GLYAT: variants seen among roughly 807,000 people sequenced by gnomAD.
GLYAT encodes glycine-N-acyltransferase.
GLYAT carries 25 observed loss-of-function variants against 22.8 expected under a neutral mutation model. The ratio of observed to expected loss-of-function variants is 1.09; its 90% CI spans 0.80 to 1.53. The LOEUF (loss-of-function observed/expected upper bound fraction) is 1.53. GLYAT is among the 40% of genes most tolerant of loss of function. The pLI, the probability that GLYAT is intolerant of heterozygous loss-of-function variation, is 0.00. For missense variants in GLYAT, 411 were observed against 353.9 expected, an observed-to-expected ratio of 1.16 and a Z score of -1.29; for synonymous variants, 140 against 122.7, an observed-to-expected ratio of 1.14 and a Z score of -0.93.
chr11:58,711,650 T>A (rs1407828403), intron 4 of GLYAT, among the ~76,000 whole-genome samples: 1 of 152,124 alleles, frequency 6.6e-6, no homozygotes, highest in Non-Finnish European at 1.5e-5. Context: ...GTAGGTAAAT[T>A]TAAAAAACGG....
rs1208567331 is a variant in GLYAT at position 58,709,443 on chromosome 11, T to A, written c.*323A>T. 9.7e-6 allele frequency: 2 copies of A among 206,380 alleles called. No individual in the cohort carries two copies. Among genetic ancestry groups the A allele is most frequent in the Non-Finnish European group, 9.7e-6 (1 of 102,788 alleles). The allele number at this position is 206,380 out of a possible 1,614,324, so 12.8% of individuals were successfully genotyped here. A position where few individuals can be genotyped will look rare whatever the true frequency, so the allele number is the denominator to read the frequency against. ...TAGCTCCCAGAAAAACTGGCAAGGG[T>A]CTTGCAACTGAGGAACCAGGGATTC... On this transcript the variant is annotated 3_prime_UTR_variant, in exon 6 of 6. Transcript: ENST00000344743.
chr11:58,715,445 A>T, intron 2 of GLYAT, 22 bp from the exon 3 acceptor site: 1 of 1,094,196 alleles, frequency 9.1e-7, no homozygotes, highest in Non-Finnish European at 1.4e-6. Flanking sequence ...CAAGAAATTG[A>T]CAGGGTTGGT....
intron 1 of GLYAT, among the ~76,000 whole-genome samples, chr11:58,725,414 T>C (rs957637001): frequency 6.6e-5 from 10 of 152,178 alleles, no homozygotes; most frequent in African/African-American, 2.4e-4. Flanking sequence ...ACTGTGATGT[T>C]TGGAAGAGAG....
At chr11:58,723,777 TTA>T (rs1010259357) in intron 2 of GLYAT, among the ~76,000 whole-genome samples, 8 of 151,938 alleles carry the variant, frequency 5.3e-5, no homozygotes, top group South Asian at 2.1e-4. Flanking sequence ...ATGTAGGCAT[TTA>T]TATATATCCA....
chr11:58,728,947 A>G (rs747617838), intron 1 of GLYAT, among the ~76,000 whole-genome samples: 1 of 150,206 alleles, frequency 6.7e-6, no homozygotes, highest in African/African-American at 2.4e-5. Flanking sequence ...GGAAGGAAGG[A>G]GAGAATAAAA....
At chr11:58,721,792 A>G (rs1052175662) in intron 2 of GLYAT, among the ~76,000 whole-genome samples, 1 of 151,988 alleles carries the variant, frequency 6.6e-6, no homozygotes, top group Non-Finnish European at 1.5e-5. Flanking sequence ...TAGTAGTTAA[A>G]ATTCAAAATC....
chr11:58,728,960 A>AAAGAAAGGAAGGAAGG (rs1201528102), intron 1 of GLYAT, among the ~76,000 whole-genome samples: 6 of 151,560 alleles, frequency 4.0e-5, no homozygotes, highest in South Asian at 2.1e-4. Flanking sequence ...GAATAAAAGA[A>AAAGAAAGGAAGGAAGG]AAGAAAGGAA....
At chr11:58,715,453 GGTTT>G (rs1565056002) in intron 2 of GLYAT, 30 bp from the exon 3 acceptor site, 1 of 991,748 alleles carries the variant, frequency 1.0e-6, no homozygotes, top group Admixed American at 1.9e-5. Flanking sequence ...TGACAGGGTT[GGTTT>G]ATTTGAAAAA....
intron 2 of GLYAT, among the ~76,000 whole-genome samples, chr11:58,722,122 C>T (rs913668673): frequency 1.3e-5 from 2 of 152,022 alleles, no homozygotes; most frequent in Non-Finnish European, 2.9e-5. Context: ...ATCAGGGATT[C>T]TCTGGAGGGG....
Position 58,724,454 on chromosome 11 carries a change from C to T in GLYAT, c.43G>A (p.Glu15Lys), listed in dbSNP as rs1165157630. The change falls in exon 2 of 6, where the codon GAG becomes AAG. Residue 15 changes from glutamate to lysine, a missense_variant. By Grantham distance (56) the Glu-to-Lys change is moderately conservative. Coordinates refer to ENST00000344743, the MANE Select transcript of GLYAT (RefSeq NM_201648.3). Reference protein sequence around the residue: ...LQGAQMLQMLEKSLRKSLPAS... With the variant: ...LQGAQMLQMLKKSLRKSLPAS... ...GGGAGGCTCTTCCTCAAGGATTTCT[C>T]CAGCATCTGCAGCATCTGGGCACCT... 9 of 1,609,038 alleles carry T rather than the reference C, an allele frequency of 5.6e-6. No individual in the cohort carries two copies. The highest frequency in any genetic ancestry group is 1.7e-5 in the Admixed American group (1 of 59,702).
At position 58,709,138 on chromosome 11, in the gene GLYAT, A is replaced by T. The variant is rs1856576962; in HGVS notation, c.*628T>A. On this transcript the variant is annotated 3_prime_UTR_variant, in exon 6 of 6. Transcript: ENST00000344743. ...TTTTGGAAGCTCATCTTTAGAAAAA[A>T]CATTGGATCTTTTTTCCTGGAATAG... 1 of 152,250 alleles carries T rather than the reference A, an allele frequency of 6.6e-6. No individual in the cohort carries two copies. Among genetic ancestry groups the T allele is most frequent in the South Asian group, 2.1e-4 (1 of 4,836 alleles). 9.4% of individuals were successfully genotyped at this position (152,250 alleles called of 1,614,324 possible).
intron 3 of GLYAT, 35 bp from the exon 4 acceptor site, chr11:58,712,921 C>T: frequency 7.1e-7 from 1 of 1,415,620 alleles, no homozygotes; most frequent in Non-Finnish European, 9.8e-7. Flanking sequence ...TAAAACACAT[C>T]CTTATATTTT....
chr11:58,725,022 A>T (rs890310469), intron 1 of GLYAT, among the ~76,000 whole-genome samples: 2 of 151,382 alleles, frequency 1.3e-5, no homozygotes, highest in Non-Finnish European at 2.9e-5. Context: ...TACTACCACC[A>T]CTCCTCTTTT....
intron 1 of GLYAT, among the ~76,000 whole-genome samples, chr11:58,729,238 T>C (rs896995021): frequency 1.5e-4 from 23 of 152,276 alleles, no homozygotes; most frequent in African/African-American, 5.5e-4. Flanking sequence ...CCTTCTAAAT[T>C]AGGCTTCCAC....
At chr11:58,712,623 C>T in intron 4 of GLYAT, 137 bp downstream of exon 4, 1 of 733,966 alleles carries the variant, frequency 1.4e-6, no homozygotes. Flanking sequence ...CCACCTTTTA[C>T]AGATATAGTT....
At position 58,721,151 on chromosome 11, in the gene GLYAT, CT is replaced by C. The variant is rs1052859766; in HGVS notation, c.81+3264del. 3.3e-5 allele frequency among the ~76,000 whole-genome samples: 5 copies of C among 151,104 alleles called. No homozygotes were observed. In the East Asian group the frequency reaches 9.7e-4, roughly 29 times the overall value. On this transcript the variant is annotated intron_variant, in intron 2 of 5. Coordinates refer to ENST00000344743, the MANE Select transcript of GLYAT (RefSeq NM_201648.3). Reference sequence around the variant, plus strand: ...TTATAGATTTATAAAGATCACCCCACTTTTTTTTTCTATCTTAGAATTTCAG... The same window carrying C: ...TTATAGATTTATAAAGATCACCCCACTTTTTTTTCTATCTTAGAATTTCAG...
In GLYAT at chr11:58,709,771, GA is replaced by G; in HGVS notation, c.885del (p.Leu296CysfsTer19). ...TCTTATGTTCAGGATTGGCATCACA[GA>G]GGTACACAGTTCCACTGGTTCCAGC... Reference protein sequence around the residue: ...PRSWNQWNCVPL With the variant: ...PRSWNQWNCVXL On this transcript the variant is annotated frameshift_variant, in exon 6 of 6. Coordinates refer to ENST00000344743, the MANE Select transcript of GLYAT (RefSeq NM_201648.3). LOFTEE classifies it high-confidence loss of function. 6.2e-7 allele frequency: 1 copy of G among 1,608,768 alleles called. No homozygotes were observed. The highest frequency in any genetic ancestry group is 8.5e-7 in the Non-Finnish European group (1 of 1,176,980).
intron 2 of GLYAT, among the ~76,000 whole-genome samples, chr11:58,719,558 C>G (rs769514216): frequency 2.0e-5 from 3 of 151,936 alleles, no homozygotes; most frequent in Admixed American, 6.6e-5. Context: ...CTCTTACATG[C>G]CCAACTCCTC....
At chr11:58,723,139 CAG>C (rs1169021685) in intron 2 of GLYAT, among the ~76,000 whole-genome samples, 1 of 151,992 alleles carries the variant, frequency 6.6e-6, no homozygotes. Flanking sequence ...TTCTACATCA[CAG>C]AGTGTTGAAC....
Sources: gnomAD v4.1 joint callset for allele counts (sites outside exome capture counted in the v4.1 genomes callset) on GRCh38, gnomAD v4.1.1 for gene constraint, MANE v1.5 for transcripts, NCBI Gene and HGNC (gene_info 2026-07-23, HGNC 2026-07-21) for gene names.